Variants in YWHAZ observed in about 807,000 individuals in gnomAD.
YWHAZ encodes 14-3-3 protein zeta/delta.
For missense variants in YWHAZ, 79 were observed against 284.8 expected (o/e 0.28, Z 5.20); for synonymous variants, 87 against 103.6 (o/e 0.84, Z 0.97).
rs965030744 is a variant in YWHAZ, at chr8:100,948,052, A to G, written c.294+544T>C. The G allele has an allele frequency of 2.7e-6, 4 of 1,504,700 alleles. No individual in the cohort carries two copies. In the Admixed American group the frequency reaches 6.2e-5, roughly 23 times the overall value. The allele number at this position is 1,504,700 out of a possible 1,614,324, so 93.2% of individuals were successfully genotyped here. ...CTTGAGTTGTTCATAACCTTTCATC[A>G]TGGTTGTGAGTGTTCAAAATTTACC... On this transcript the variant is annotated intron_variant, in intron 2 of 5. Transcript: ENST00000395958. This position sits in a 1 kb window ranked among gnomAD's most constrained non-coding sequence, Gnocchi z 4.2.
chr8:100,918,234 T>G lies in YWHAZ; in HGVS notation c.*2459A>C, dbSNP rs909517865. On this transcript the variant is annotated 3_prime_UTR_variant, in exon 6 of 6. Coordinates refer to ENST00000395958, the MANE Select transcript of YWHAZ (RefSeq NM_145690.3). ...GGCGGGCACCTGTAATCCCAGCTAC[T>G]TGGGAGGCTGAGGCAGGAGAATCGC... The G allele has an allele frequency of 6.7e-5, 10 of 149,560 alleles. No individual in the cohort carries two copies. Among genetic ancestry groups the G allele is most frequent in the African/African-American group, 2.5e-4 (10 of 40,626 alleles). The allele number at this position is 149,560 out of a possible 1,614,324, so 9.3% of individuals were successfully genotyped here.
chr8:100,936,704 G>C (rs1168379442), intron 2 of YWHAZ, among the ~76,000 whole-genome samples: 1 of 152,156 alleles, frequency 6.6e-6, no homozygotes, highest in Non-Finnish European at 1.5e-5. Context: ...GGGAGGCTGA[G>C]GCAGGTGAAT....
rs71572094 is a variant in YWHAZ at position 100,918,408 on chromosome 8, T to TTATATATATATA, written c.*2273_*2284dup. The TTATATATATATA allele has an allele frequency of 0.031, 1,289 of 41,542 alleles. 104 individuals are homozygous for TTATATATATATA. The highest frequency in any genetic ancestry group is 0.036 in the Non-Finnish European group (738 of 20,652). The allele number at this position is 41,542 out of a possible 1,614,324, so 2.6% of individuals were successfully genotyped here. A position where few individuals can be genotyped will look rare whatever the true frequency, so the allele number is the denominator to read the frequency against. ...AGTCTAGCTATAAAATATAATTACT[T>TTATATATATATA]TATATATATATATATATATATATAT... On this transcript the variant is annotated 3_prime_UTR_variant, in exon 6 of 6. Transcript: ENST00000395958.
intron 2 of YWHAZ, among the ~76,000 whole-genome samples, chr8:100,940,923 G>T (rs911228759): frequency 6.6e-6 from 1 of 152,190 alleles, no homozygotes; most frequent in Non-Finnish European, 1.5e-5. Flanking sequence ...ATGTTACACA[G>T]GGATATGCTT....
In YWHAZ at chr8:100,916,556, A is replaced by G. The variant is rs2130038280; in HGVS notation, c.*4137T>C. 6.6e-6 allele frequency: 1 copy of G among 152,374 alleles called. No individual in the cohort carries two copies. The highest frequency in any genetic ancestry group is 1.9e-4 in the East Asian group (1 of 5,190). 9.4% of individuals were successfully genotyped at this position (152,374 alleles called of 1,614,324 possible). A position where few individuals can be genotyped will look rare whatever the true frequency, so the allele number is the denominator to read the frequency against. On this transcript the variant is annotated 3_prime_UTR_variant, in exon 6 of 6. Transcript: ENST00000395958. ...GCAAACATCCAATGTTAGAAAATGT[A>G]AGCACAAACTGAAAATTCATAGGGT... is the stretch of plus-strand genomic sequence containing the variant.
At chr8:100,930,824 C>T (rs187620099) in intron 2 of YWHAZ, among the ~76,000 whole-genome samples, 561 of 152,204 alleles carry the variant, frequency 3.7e-3, no homozygotes, top group Non-Finnish European at 6.1e-3. Flanking sequence ...TTAGAAAATA[C>T]CCAAGATTAA....
At chr8:100,940,578 A>G (rs1242229838) in intron 2 of YWHAZ, among the ~76,000 whole-genome samples, 1 of 152,248 alleles carries the variant, frequency 6.6e-6, no homozygotes, top group Non-Finnish European at 1.5e-5. Context: ...AAAAAATTTC[A>G]GCTTTCTAAA....
Position 100,922,748 on chromosome 8 carries a change from A to G in YWHAZ, c.678+1207T>C, listed in dbSNP as rs563694469. The G allele has an allele frequency of 1.3e-5, 2 of 152,396 alleles. No homozygotes were observed. Among genetic ancestry groups the G allele is most frequent in the East Asian group, 3.9e-4 (2 of 5,192 alleles). 9.4% of individuals were successfully genotyped at this position (152,396 alleles called of 1,614,324 possible). A position where few individuals can be genotyped will look rare whatever the true frequency, so the allele number is the denominator to read the frequency against. ...ATACTGATAGCAAAATTCAGTTGGA[A>G]GCAGACAGTAGATCAGGGCCTCTCA... is the stretch of plus-strand genomic sequence containing the variant. On this transcript the variant is annotated intron_variant, in intron 5 of 5. Transcript: ENST00000395958. This position sits in a 1 kb window ranked among gnomAD's most constrained non-coding sequence, Gnocchi z 4.1.
chr8:100,946,483 G>C (rs1000310937), intron 2 of YWHAZ, among the ~76,000 whole-genome samples: 1 of 152,078 alleles, frequency 6.6e-6, no homozygotes, highest in Non-Finnish European at 1.5e-5. Flanking sequence ...CACGGGAGGC[G>C]GAAGTTGCAG....
chr8:100,920,789 G>T, intron 5 of YWHAZ, 37 bp from the exon 6 acceptor site: 1 of 871,218 alleles, frequency 1.1e-6, no homozygotes, highest in South Asian at 1.4e-5. Flanking sequence ...GCAAGTTTCA[G>T]TGGGATGGGG....
chr8:100,933,553 T>G (rs1813909871), intron 2 of YWHAZ, among the ~76,000 whole-genome samples: 1 of 152,216 alleles, frequency 6.6e-6, no homozygotes, highest in African/African-American at 2.4e-5. Flanking sequence ...GAAAAGAATC[T>G]GTGCTAAATA....
At chr8:100,928,632 C>T (rs1278605444) in intron 2 of YWHAZ, among the ~76,000 whole-genome samples, 1 of 151,680 alleles carries the variant, frequency 6.6e-6, no homozygotes, top group Non-Finnish European at 1.5e-5. Flanking sequence ...ACTCAGGAGG[C>T]TGAGGCAGGA....
At chr8:100,939,357 C>CA (rs1042264374) in intron 2 of YWHAZ, among the ~76,000 whole-genome samples, 25 of 152,188 alleles carry the variant, frequency 1.6e-4, no homozygotes, top group East Asian at 1.4e-3. Context: ...TAGAAGGAAT[C>CA]AGTGTTTTAA....
chr8:100,940,272 T>C (rs1226036956), intron 2 of YWHAZ, among the ~76,000 whole-genome samples: 4 of 152,146 alleles, frequency 2.6e-5, no homozygotes, highest in Non-Finnish European at 4.4e-5. Context: ...ATGCTTTTTG[T>C]TGTTGGTGGT....
chr8:100,939,998 G>C (rs916401214), intron 2 of YWHAZ, among the ~76,000 whole-genome samples: 1 of 151,668 alleles, frequency 6.6e-6, no homozygotes, highest in Non-Finnish European at 1.5e-5. Context: ...ACTCCAGCCT[G>C]GGGGACAGAG....
chr8:100,924,968 T>C lies in YWHAZ; in HGVS notation c.366A>G (p.Lys122=). The C allele has an allele frequency of 6.2e-7, 1 of 1,613,722 alleles. No individual in the cohort carries two copies. The change falls in exon 3 of 6, where the codon AAA becomes AAG. Residue 122 remains lysine, a synonymous_variant. Transcript: ENST00000395958. This position sits in a 1 kb window ranked among gnomAD's most constrained non-coding sequence, Gnocchi z 5.7. The part of the protein sequence containing the change: ...AESKVFYLKM[K]GDYYRYLAEV... ...CAGCCAAGTAACGGTAGTAATCTCC[T>C]TTCATTTTCAAATAGAAGACTTTGC...
Position 100,916,990 on chromosome 8 carries a change from T to C in YWHAZ, c.*3703A>G, listed in dbSNP as rs1242896123. Reference sequence around the variant, plus strand: ...TTCAGTTCTACCATAGTATTTCCTATATGGTAAATGAGAGAATACAATCAA... The same window carrying C: ...TTCAGTTCTACCATAGTATTTCCTACATGGTAAATGAGAGAATACAATCAA... On this transcript the variant is annotated 3_prime_UTR_variant, in exon 6 of 6. Transcript: ENST00000395958. 4 of 152,240 alleles carry C rather than the reference T, an allele frequency of 2.6e-5. No individual in the cohort carries two copies. Among genetic ancestry groups the C allele is most frequent in the African/African-American group, 4.8e-5 (2 of 41,454 alleles). The allele number at this position is 152,240 out of a possible 1,614,324, so 9.4% of individuals were successfully genotyped here. A position where few individuals can be genotyped will look rare whatever the true frequency, so the allele number is the denominator to read the frequency against.
rs1276192854 is a variant in YWHAZ, at chr8:100,924,873, T to A, written c.418+43A>T. 21 of 1,609,280 alleles carry A rather than the reference T, an allele frequency of 1.3e-5. No individual in the cohort carries two copies. The highest frequency in any genetic ancestry group is 1.8e-5 in the Non-Finnish European group (21 of 1,178,622). On this transcript the variant is annotated intron_variant, in intron 3 of 5. Transcript: ENST00000395958. This position sits in a 1 kb window ranked among gnomAD's most constrained non-coding sequence, Gnocchi z 5.7. ...GCTTCAGAGACTCTTCCTCACTATG[T>A]TATCTTATACAAGTTCAACCAACAG...
At chr8:100,939,814 GA>G (rs1814493768) in intron 2 of YWHAZ, among the ~76,000 whole-genome samples, 5 of 152,168 alleles carry the variant, frequency 3.3e-5, no homozygotes, top group African/African-American at 1.2e-4. Context: ...GAGGTTAGGA[GA>G]TCGAGACCAA....
Sources: allele counts gnomAD v4.1 joint callset (sites outside exome capture counted in the v4.1 genomes callset), GRCh38; gene constraint gnomAD v4.1.1; non-coding constraint Gnocchi (gnomAD v3.1); transcripts MANE v1.5; gene names NCBI Gene and HGNC (gene_info 2026-07-23, HGNC 2026-07-21).